DTWD2: variants seen among roughly 807,000 people sequenced by gnomAD.
DTWD2 encodes DTW motif tRNA-uridine aminocarboxypropyltransferase 2.
DTWD2 carries 39 observed loss-of-function variants against 31.8 expected under a neutral mutation model. The observed-to-expected ratio is 1.22, with a 90% CI of 0.95 to 1.60. The LOEUF (loss-of-function observed/expected upper bound fraction) is 1.60. Among genes scored for constraint, DTWD2 ranks in the 40% most tolerant of loss-of-function variants. DTWD2 has a pLI of 0.00. For missense variants in DTWD2, 515 were observed against 381.5 expected (o/e 1.35, Z -2.92); for synonymous variants, 180 against 142.8 (o/e 1.26, Z -1.86).
At chr5:118,894,236 T>A (rs902015734) in intron 4 of DTWD2, among the ~76,000 whole-genome samples, 3 of 152,056 alleles carry the variant, frequency 2.0e-5, no homozygotes, top group Non-Finnish European at 4.4e-5. Flanking sequence ...AAAATGTAAA[T>A]CTGATTAGAA....
chr5:118,923,438 C>A (rs770133162), intron 4 of DTWD2, among the ~76,000 whole-genome samples: 4 of 152,124 alleles, frequency 2.6e-5, no homozygotes, highest in Admixed American at 6.5e-5. Flanking sequence ...CGGGTATACA[C>A]CACCGGAAAA....
At chr5:118,881,032 T>C (rs1510969) in intron 4 of DTWD2, among the ~76,000 whole-genome samples, 8,113 of 152,270 alleles carry the variant, frequency 0.053, 305 homozygotes, top group African/African-American at 0.1. Context: ...ACTCATAGTT[T>C]TAGTTTTAAT....
intron 4 of DTWD2, among the ~76,000 whole-genome samples, chr5:118,900,604 T>C (rs972000165): frequency 6.6e-6 from 1 of 152,100 alleles, no homozygotes; most frequent in Non-Finnish European, 1.5e-5. Context: ...AGCTAATAGA[T>C]TAAACTAAAA....
At position 118,988,331 on chromosome 5, in the gene DTWD2, C is replaced by A; in HGVS notation, c.181G>T (p.Glu61Ter). 1 of 1,544,846 alleles carries A rather than the reference C, an allele frequency of 6.5e-7. No homozygotes were observed. Among genetic ancestry groups the A allele is most frequent in the Non-Finnish European group, 8.7e-7 (1 of 1,149,384 alleles). Reference sequence around the variant, plus strand: ...CACTCAGGCCTCCGCTCGGCCGGCTCCACCGGCAGCTCCCACAGCCCGTCC... The same window carrying A: ...CACTCAGGCCTCCGCTCGGCCGGCTACACCGGCAGCTCCCACAGCCCGTCC... ...SADGLWELPV[E>*]PAERRPECTR... Residue 61 changes from glutamate to a stop codon, truncating the protein, a stop_gained, in exon 1 of 6, where the codon GAG (glutamate) becomes TAG (stop). Transcript: ENST00000510708. LOFTEE classifies it high-confidence loss of function.
At chr5:118,865,643 T>C (rs1752365200) in intron 4 of DTWD2, among the ~76,000 whole-genome samples, 1 of 152,166 alleles carries the variant, frequency 6.6e-6, no homozygotes, top group Non-Finnish European at 1.5e-5. Flanking sequence ...GAATAGCGAC[T>C]ATATCTCAAG....
At chr5:118,914,176 T>C (rs1474232716) in intron 4 of DTWD2, among the ~76,000 whole-genome samples, 4 of 152,222 alleles carry the variant, frequency 2.6e-5, no homozygotes, top group Non-Finnish European at 5.9e-5. Flanking sequence ...TAATCTCCAA[T>C]GTGACAATGT....
chr5:118,927,335 T>C (rs1001191848), intron 4 of DTWD2, among the ~76,000 whole-genome samples: 1 of 151,532 alleles, frequency 6.6e-6, no homozygotes, highest in Non-Finnish European at 1.5e-5. Flanking sequence ...AGAAGAATAA[T>C]AGAAGAAAAT....
Position 118,840,902 on chromosome 5 carries a change from A to G in DTWD2, c.*15T>C, listed in dbSNP as rs1580758294. ...AGATGAAGACAGTTAAGCTAGCACCAAAAGAATAACTGTACTAAATTTTAA... is the reference window on the plus strand; with the variant it reads ...AGATGAAGACAGTTAAGCTAGCACCGAAAGAATAACTGTACTAAATTTTAA... On this transcript the variant is annotated 3_prime_UTR_variant, in exon 6 of 6. Transcript: ENST00000510708. The G allele has an allele frequency of 6.2e-7, 1 of 1,609,460 alleles. No individual in the cohort carries two copies. Among genetic ancestry groups the G allele is most frequent in the South Asian group, 1.1e-5 (1 of 90,152 alleles).
chr5:118,847,265 C>T (rs143044684), intron 5 of DTWD2, among the ~76,000 whole-genome samples: 226 of 152,064 alleles, frequency 1.5e-3, no homozygotes, highest in African/African-American at 5.3e-3. Flanking sequence ...GTACCTCTTT[C>T]GCGTGTGTAT....
intron 3 of DTWD2, among the ~76,000 whole-genome samples, chr5:118,930,758 T>C (rs1392882314): frequency 2.0e-5 from 3 of 152,314 alleles, no homozygotes; most frequent in African/African-American, 7.2e-5. Flanking sequence ...AAATATATTA[T>C]TTCATTTATA....
chr5:118,920,661 G>T (rs1753682872), intron 4 of DTWD2, among the ~76,000 whole-genome samples: 1 of 151,992 alleles, frequency 6.6e-6, no homozygotes, highest in African/African-American at 2.4e-5. Context: ...GAACTAAATT[G>T]TATTTCTATA....
chr5:118,895,940 T>A (rs1475379989), intron 4 of DTWD2, among the ~76,000 whole-genome samples: 1 of 152,196 alleles, frequency 6.6e-6, no homozygotes, highest in Admixed American at 6.5e-5. Context: ...GGAATAAAAT[T>A]ATATAATTCA....
chr5:118,901,840 C>T (rs1753217422), intron 4 of DTWD2, among the ~76,000 whole-genome samples: 1 of 152,038 alleles, frequency 6.6e-6, no homozygotes, highest in Non-Finnish European at 1.5e-5. Flanking sequence ...ACTCCCAGGC[C>T]CAAGCGATCC....
At chr5:118,957,891 C>G (rs1236384917) in intron 1 of DTWD2, among the ~76,000 whole-genome samples, 1 of 152,110 alleles carries the variant, frequency 6.6e-6, no homozygotes, top group African/African-American at 2.4e-5. Flanking sequence ...TTTTTAAAGA[C>G]TTTATCTCAC....
chr5:118,965,779 GCCCAGGGATACAAACATTGCGGAAGGC>G lies in DTWD2; in HGVS notation c.219-21157_219-21131del, dbSNP rs1272449986. 2.0e-5 allele frequency among the ~76,000 whole-genome samples: 3 copies of G among 152,210 alleles called. No individual in the cohort carries two copies. In the East Asian group the frequency reaches 5.8e-4, roughly 29 times the overall value. ...TCATCACCACTCCCTAATCTCAAGT[GCCCAGGGATACAAACATTGCGGAAGGC>G]CCCAGGGTCCTCTGCCTAGGAAAAC... On this transcript the variant is annotated intron_variant, in intron 1 of 5. Transcript: ENST00000510708.
chr5:118,888,238 T>G (rs1358376845), intron 4 of DTWD2, among the ~76,000 whole-genome samples: 3 of 152,334 alleles, frequency 2.0e-5, no homozygotes, highest in Non-Finnish European at 4.4e-5. Context: ...TCTCTACTTC[T>G]TGCGTCTCTC....
chr5:118,929,696 T>C (rs1753881642), intron 3 of DTWD2, among the ~76,000 whole-genome samples: 2 of 152,316 alleles, frequency 1.3e-5, no homozygotes, highest in South Asian at 4.1e-4. Flanking sequence ...CAAAATATAC[T>C]TATTTGACAT....
In DTWD2 at chr5:118,928,627, A is replaced by C. The variant is rs1173187306; in HGVS notation, c.507T>G (p.Val169=). Residue 169 remains valine (V), a synonymous_variant, in exon 4 of 6, where the codon GTT becomes GTG. Coordinates refer to ENST00000510708, the MANE Select transcript of DTWD2 (RefSeq NM_173666.4). ...NLEEFILDSP[V]YPSTIIIIDG... is the part of the protein sequence containing the mutation. ...CAATGATGATGATTGTAGAAGGATA[A>C]ACAGGAGAATCTAATATAAATTCTT... 2.5e-6 allele frequency: 4 copies of C among 1,603,852 alleles called. No individual in the cohort carries two copies. The East Asian group carries it at 6.7e-5, about 27-fold the overall frequency.
chr5:118,855,887 AC>A (rs1752122279), intron 4 of DTWD2, among the ~76,000 whole-genome samples: 1 of 152,160 alleles, frequency 6.6e-6, no homozygotes, highest in African/African-American at 2.4e-5. Flanking sequence ...CTTTTACAAC[AC>A]CTTAATTTTC....
Sources: gnomAD v4.1 joint callset for allele counts (sites outside exome capture counted in the v4.1 genomes callset) on GRCh38, gnomAD v4.1.1 for gene constraint, MANE v1.5 for transcripts, NCBI Gene and HGNC (gene_info 2026-07-23, HGNC 2026-07-21) for gene names.